CEP112: variants seen among roughly 807,000 people sequenced by gnomAD.
CEP112 encodes the protein centrosomal protein of 112 kDa.
In CEP112, 127 loss-of-function variants were observed where a neutral mutation model predicts 153.0. The observed-to-expected ratio is 0.83, with a 90% CI of 0.72 to 0.96. The LOEUF is 0.96. Among genes scored for constraint, CEP112 ranks in the 40% least tolerant of loss-of-function variants. The pLI, the probability that CEP112 is intolerant of heterozygous loss-of-function variation, is 0.00. For synonymous variants in CEP112, 358 were observed against 374.4 expected (o/e 0.96, Z 0.51); for missense variants, 1,089 against 1,101.2 (o/e 0.99, Z 0.16).
rs1467013021 is a variant in CEP112 at position 66,191,089 on chromosome 17, A to G, written c.-9+908T>C. Among the ~76,000 whole-genome samples the G allele has an allele frequency of 6.6e-6, 1 of 152,150 alleles. No homozygotes were observed. The highest frequency in any genetic ancestry group is 1.9e-4 in the East Asian group (1 of 5,198). ...AGCTCAGTGTGTGCTTTAGAAACAAATCTCAGTTTATTCTCTGGCCCGGCC... is the reference window on the plus strand; with the variant it reads ...AGCTCAGTGTGTGCTTTAGAAACAAGTCTCAGTTTATTCTCTGGCCCGGCC... On this transcript the variant is annotated intron_variant, in intron 1 of 26. Transcript: ENST00000535342. This position sits in a 1 kb window ranked among gnomAD's most constrained non-coding sequence, Gnocchi z 4.2.
chr17:65,838,882 C>T (rs2057415408), intron 21 of CEP112, among the ~76,000 whole-genome samples: 1 of 152,082 alleles, frequency 6.6e-6, no homozygotes, highest in South Asian at 2.1e-4. Flanking sequence ...TACACGCCAA[C>T]AAAATGGAAA....
intron 11 of CEP112, among the ~76,000 whole-genome samples, chr17:66,056,327 C>T (rs2066685324): frequency 6.6e-6 from 1 of 152,312 alleles, no homozygotes; most frequent in South Asian, 2.1e-4. Context: ...GTGGAAAACA[C>T]TTTGGCAGTT....
At chr17:65,729,544 G>A (rs1211358359) in intron 23 of CEP112, among the ~76,000 whole-genome samples, 2 of 152,036 alleles carry the variant, frequency 1.3e-5, no homozygotes, top group Non-Finnish European at 2.9e-5. Flanking sequence ...TCATTATACT[G>A]CCTTTGAACT....
At chr17:66,095,912 C>CA (rs900145148) in intron 8 of CEP112, among the ~76,000 whole-genome samples, 172 of 145,818 alleles carry the variant, frequency 1.2e-3, no homozygotes, top group African/African-American at 2.4e-3. Flanking sequence ...CCATCTCTAC[C>CA]AAAAAAAAAA....
At chr17:65,669,643 C>T (rs977053484) in intron 24 of CEP112, among the ~76,000 whole-genome samples, 1 of 152,170 alleles carries the variant, frequency 6.6e-6, no homozygotes, top group Non-Finnish European at 1.5e-5. Context: ...GTGGCTCATG[C>T]CTGTAATCCC....
chr17:66,176,081 CT>C (rs1170809572), intron 3 of CEP112, among the ~76,000 whole-genome samples: 9 of 152,158 alleles, frequency 5.9e-5, no homozygotes, highest in Non-Finnish European at 1.0e-4. Flanking sequence ...GAATTATTCT[CT>C]AATGTTCAGC....
chr17:66,049,233 A>G, intron 12 of CEP112, among the ~76,000 whole-genome samples: 1 of 55,738 alleles, frequency 1.8e-5, no homozygotes, highest in Non-Finnish European at 4.2e-5. Flanking sequence ...AATATGCGTA[A>G]GAGTAACTTA....
intron 23 of CEP112, among the ~76,000 whole-genome samples, chr17:65,704,516 G>A (rs1279167030): frequency 6.6e-6 from 1 of 151,814 alleles, no homozygotes; most frequent in African/African-American, 2.4e-5. Context: ...AGGGCCAACA[G>A]TCCAATCATT....
At chr17:66,002,241 T>C (rs960769360) in intron 17 of CEP112, among the ~76,000 whole-genome samples, 13 of 152,160 alleles carry the variant, frequency 8.5e-5, no homozygotes, top group Non-Finnish European at 1.3e-4. Context: ...CATCCTCTCA[T>C]AGAAAAATTC....
At chr17:66,146,434 G>A (rs1207311162) in intron 4 of CEP112, among the ~76,000 whole-genome samples, 1 of 151,910 alleles carries the variant, frequency 6.6e-6, no homozygotes, top group East Asian at 1.9e-4. Context: ...ACATCTGTAG[G>A]ATCTGTGTCA....
intron 24 of CEP112, among the ~76,000 whole-genome samples, chr17:65,646,603 G>A (rs1181644714): frequency 6.6e-6 from 1 of 152,180 alleles, no homozygotes; most frequent in Non-Finnish European, 1.5e-5. Flanking sequence ...CCCAATGAGG[G>A]AAGCATAGAG....
Position 66,013,366 on chromosome 17 carries a change from T to C in CEP112, c.1657-7597A>G, listed in dbSNP as rs181865790. ...GCTCATGTCCCTTCAACCTTTGAAG[T>C]TGCTGTCCTTTGGATGGTGGGGTTT... is the stretch of plus-strand genomic sequence containing the variant. On this transcript the variant is annotated intron_variant, in intron 16 of 26. Coordinates refer to ENST00000535342, the MANE Select transcript of CEP112 (RefSeq NM_001199165.4). Among the ~76,000 whole-genome samples, 25 of 152,272 alleles carry C rather than the reference T, an allele frequency of 1.6e-4. No individual in the cohort carries two copies. In the East Asian group the frequency reaches 4.0e-3, roughly 25 times the overall value.
At chr17:65,655,248 G>A (rs977752793) in intron 24 of CEP112, 4 of 953,600 alleles carry the variant, frequency 4.2e-6, no homozygotes, top group Admixed American at 1.7e-5. Flanking sequence ...CGGAGAATAC[G>A]GTGATCTATG....
chr17:65,776,080 G>C (rs1472187658), intron 21 of CEP112, among the ~76,000 whole-genome samples: 1 of 152,210 alleles, frequency 6.6e-6, no homozygotes, highest in African/African-American at 2.4e-5. Flanking sequence ...ATCGGCAACA[G>C]TCTCACACAA....
chr17:65,937,500 G>A (rs1599074078), intron 18 of CEP112, among the ~76,000 whole-genome samples: 11 of 118,956 alleles, frequency 9.2e-5, no homozygotes, highest in East Asian at 4.5e-4. Flanking sequence ...CCTCTGCCTG[G>A]CAACCGCCCC....
chr17:65,794,790 G>A (rs563851151), intron 21 of CEP112, among the ~76,000 whole-genome samples: 13 of 152,092 alleles, frequency 8.5e-5, no homozygotes, highest in East Asian at 3.9e-4. Context: ...GGCTTCTACC[G>A]TCTCCCCTTC....
chr17:65,689,683 A>G (rs912405326), intron 23 of CEP112, among the ~76,000 whole-genome samples: 9 of 152,110 alleles, frequency 5.9e-5, no homozygotes, highest in Non-Finnish European at 1.0e-4. Flanking sequence ...GCCTTAAAGG[A>G]ATTTCTTTAT....
At chr17:66,010,174 C>A (rs1054672026) in intron 16 of CEP112, among the ~76,000 whole-genome samples, 1 of 152,034 alleles carries the variant, frequency 6.6e-6, no homozygotes. Context: ...AAATCTTGCA[C>A]CTCTCTGGTT....
At chr17:65,829,947 A>G (rs932016030) in intron 21 of CEP112, among the ~76,000 whole-genome samples, 1 of 152,228 alleles carries the variant, frequency 6.6e-6, no homozygotes, top group Non-Finnish European at 1.5e-5. Flanking sequence ...GTAAGATATC[A>G]AAGTAGTACC....
Sources: allele counts gnomAD v4.1 joint callset (sites outside exome capture counted in the v4.1 genomes callset), GRCh38; gene constraint gnomAD v4.1.1; non-coding constraint Gnocchi (gnomAD v3.1); transcripts MANE v1.5; gene names NCBI Gene and HGNC (gene_info 2026-07-23, HGNC 2026-07-21).